PDE3B: variants seen among roughly 807,000 people sequenced by gnomAD.
The protein encoded by PDE3B is cGMP-inhibited 3',5'-cyclic phosphodiesterase 3B.
PDE3B carries 66 observed loss-of-function variants against 116.8 expected under a neutral mutation model. The observed-to-expected ratio is 0.56, with a 90% confidence interval of 0.46 to 0.69. PDE3B has a LOEUF of 0.69. Ranked by LOEUF, PDE3B falls within the 30% of genes least tolerant of loss-of-function variation. PDE3B has a pLI of 0.00. For synonymous variants in PDE3B, 595 were observed against 533.6 expected (o/e 1.12, Z -1.59); for missense variants, 1,384 against 1,368.1 (o/e 1.01, Z -0.18).
chr11:14,790,420 G>A (rs896679264), intron 4 of PDE3B, among the ~76,000 whole-genome samples: 1 of 151,430 alleles, frequency 6.6e-6, no homozygotes, highest in Non-Finnish European at 1.5e-5. Flanking sequence ...ACTATGGGTA[G>A]CATTATCTTG....
intron 1 of PDE3B, among the ~76,000 whole-genome samples, chr11:14,695,241 C>G (rs992314309): frequency 1.3e-5 from 2 of 152,188 alleles, no homozygotes; most frequent in African/African-American, 4.8e-5. Context: ...CTGAAAACAA[C>G]TCCTACAAAA....
In PDE3B at chr11:14,644,411, G is replaced by T. The variant is rs372493524; in HGVS notation, c.336G>T (p.Leu112=). 1.1e-4 allele frequency: 178 copies of T among 1,609,890 alleles called. No homozygotes were observed. Among genetic ancestry groups the T allele is most frequent in the Non-Finnish European group, 1.4e-4 (170 of 1,178,554 alleles). The change falls in exon 1 of 16, where the codon CTG becomes CTT. Residue 112 remains leucine, a synonymous_variant. Transcript: ENST00000282096. ...AAGAAWLRTL[L]SVCSHSLSPL... is the part of the protein sequence containing the mutation. ...GGGCCGCCTGGCTGCGGACGCTGCT[G>T]AGCGTGTGTTCGCACAGCTTGAGCC...
chr11:14,786,719 C>G (rs767508536), intron 3 of PDE3B, 34 bp downstream of exon 3: 10 of 1,522,168 alleles, frequency 6.6e-6, no homozygotes, highest in Middle Eastern at 1.7e-4. Flanking sequence ...CCCTATTTAT[C>G]AAATTTAATG....
chr11:14,800,347 C>T (rs576619963), intron 4 of PDE3B, among the ~76,000 whole-genome samples: 69 of 152,234 alleles, frequency 4.5e-4, no homozygotes, highest in African/African-American at 1.3e-3. Flanking sequence ...CGCCTGTAAT[C>T]GCAACTACTC....
intron 12 of PDE3B, among the ~76,000 whole-genome samples, chr11:14,853,064 A>G (rs1421116762): frequency 6.7e-6 from 1 of 149,082 alleles, no homozygotes; most frequent in Non-Finnish European, 1.5e-5. Flanking sequence ...CTTCCTTGCT[A>G]ATACCATCTC....
intron 1 of PDE3B, among the ~76,000 whole-genome samples, chr11:14,683,561 T>C (rs1565090594): frequency 6.6e-6 from 1 of 152,068 alleles, no homozygotes; most frequent in African/African-American, 2.4e-5. Flanking sequence ...TATGTCTATC[T>C]TTTTTTCTTT....
At chr11:14,717,643 A>C (rs1167233495) in intron 1 of PDE3B, among the ~76,000 whole-genome samples, 1 of 116,224 alleles carries the variant, frequency 8.6e-6, no homozygotes, top group East Asian at 2.5e-4. Context: ...AGAATTTTCA[A>C]CCCAGAATTT....
At chr11:14,892,171 G>A in the PDE3B span, 4 of 1,610,630 alleles carry the variant, frequency 2.5e-6, no homozygotes, top group Admixed American at 3.3e-5. Context: ...GCCGAGCGCC[G>A]CCGCGCCCTC....
At chr11:14,885,105 T>C in the PDE3B span, among the ~76,000 whole-genome samples, 1 of 152,214 alleles carries the variant, frequency 6.6e-6, no homozygotes, top group South Asian at 2.1e-4. Context: ...AAATTTTTAT[T>C]TGAAATTAAA....
intron 5 of PDE3B, among the ~76,000 whole-genome samples, chr11:14,807,128 G>C (rs1352604553): frequency 1.3e-5 from 2 of 151,968 alleles, no homozygotes; most frequent in Admixed American, 1.3e-4. Flanking sequence ...GCTGGGGGAG[G>C]GATAGCGTTA....
At chr11:14,821,704 T>C (rs1859517929) in intron 7 of PDE3B, among the ~76,000 whole-genome samples, 1 of 152,192 alleles carries the variant, frequency 6.6e-6, no homozygotes, top group Admixed American at 6.5e-5. Context: ...GATCATCATC[T>C]AATCAATTAA....
chr11:14,757,052 G>A (rs1457996546), intron 1 of PDE3B, among the ~76,000 whole-genome samples: 1 of 149,974 alleles, frequency 6.7e-6, no homozygotes, highest in East Asian at 2.0e-4. Flanking sequence ...AATATGTGGT[G>A]TTTGGTTTTT....
chr11:14,709,915 T>C (rs1178676814), intron 1 of PDE3B, among the ~76,000 whole-genome samples: 1 of 152,236 alleles, frequency 6.6e-6, no homozygotes, highest in Non-Finnish European at 1.5e-5. Flanking sequence ...ATTATTCCTA[T>C]TCATGGTTTC....
intron 4 of PDE3B, among the ~76,000 whole-genome samples, chr11:14,800,229 T>G (rs2133930707): frequency 6.6e-6 from 1 of 152,258 alleles, no homozygotes; most frequent in African/African-American, 2.4e-5. Flanking sequence ...TTGAAAATTC[T>G]TTTTCTTTTG....
At chr11:14,670,744 T>C (rs916848879) in intron 1 of PDE3B, among the ~76,000 whole-genome samples, 1 of 152,148 alleles carries the variant, frequency 6.6e-6, no homozygotes, top group African/African-American at 2.4e-5. Flanking sequence ...GAAAATCAAA[T>C]TTTACGTAAG....
intron 1 of PDE3B, among the ~76,000 whole-genome samples, chr11:14,752,495 T>G (rs1374546256): frequency 3.3e-5 from 5 of 152,164 alleles, no homozygotes; most frequent in African/African-American, 9.7e-5. Flanking sequence ...GAGGTTTGGG[T>G]TTTTTGAGTT....
chr11:14,869,015 C>T (rs1017905352), intron 15 of PDE3B, among the ~76,000 whole-genome samples: 7 of 150,292 alleles, frequency 4.7e-5, no homozygotes, highest in South Asian at 2.1e-4. Context: ...AGCAAGACTC[C>T]GTCTCAAAAA....
chr11:14,772,651 A>G (rs1190608131), intron 2 of PDE3B: 1 of 151,942 alleles, frequency 6.6e-6, no homozygotes, highest in Non-Finnish European at 1.5e-5. Context: ...ATATACACAA[A>G]TGGAATAATA....
Position 14,813,399 on chromosome 11 carries a change from A to G in PDE3B, c.1523-4784A>G, listed in dbSNP as rs550935576. On this transcript the variant is annotated intron_variant, in intron 5 of 15. Coordinates refer to ENST00000282096, the MANE Select transcript of PDE3B (RefSeq NM_000922.4). ...GCCTGGATTCCTGGCCCATGGCCCC[A>G]TTACTCCATCTTCATTGCCAGCAAT... 3.9e-5 allele frequency among the ~76,000 whole-genome samples: 6 copies of G among 152,162 alleles called. No homozygotes were observed. In the East Asian group the frequency reaches 1.2e-3, roughly 29 times the overall value.
Sources: gnomAD v4.1 joint callset for allele counts (sites outside exome capture counted in the v4.1 genomes callset) on GRCh38, gnomAD v4.1.1 for gene constraint, MANE v1.5 for transcripts, NCBI Gene and HGNC (gene_info 2026-07-23, HGNC 2026-07-21) for gene names.